Variants in ROBO1 observed in about 807,000 individuals in gnomAD.
The protein encoded by ROBO1 is roundabout homolog 1.
In ROBO1, 149 loss-of-function variants were observed where a neutral mutation model predicts 195.9. That is an observed-to-expected ratio of 0.76 (90% CI 0.67 to 0.87). The LOEUF is 0.87. Among genes scored for constraint, ROBO1 ranks in the 40% least tolerant of loss-of-function variants. The probability of loss-of-function intolerance (pLI) is 0.00; values close to 1 mark genes in which losing one functional copy is unlikely to be tolerated. For synonymous variants in ROBO1, 816 were observed against 733.2 expected, an observed-to-expected ratio of 1.11 and a Z score of -1.82; for missense variants, 1,933 against 2,068.3, an observed-to-expected ratio of 0.93 and a Z score of 1.27.
At chr3:78,884,862 C>CTGTGTG (rs747465583) in intron 4 of ROBO1, among the ~76,000 whole-genome samples, 2 of 87,492 alleles carry the variant, frequency 2.3e-5, no homozygotes, top group Non-Finnish European at 2.5e-5. Context: ...CTCTCTCTCT[C>CTGTGTG]TTTCTGTGTG....
At chr3:79,468,050 C>G (rs1190041019) in intron 2 of ROBO1, among the ~76,000 whole-genome samples, 2 of 152,198 alleles carry the variant, frequency 1.3e-5, no homozygotes, top group Non-Finnish European at 2.9e-5. Context: ...CAGGTGGGAG[C>G]AAAGTCTGGA....
intron 2 of ROBO1, among the ~76,000 whole-genome samples, chr3:79,540,732 T>C (rs1256529346): frequency 6.6e-6 from 1 of 152,168 alleles, no homozygotes; most frequent in Non-Finnish European, 1.5e-5. Context: ...CTTTAATCTG[T>C]TCCCACAACA....
intron 2 of ROBO1, among the ~76,000 whole-genome samples, chr3:79,450,727 A>G (rs2039416494): frequency 6.6e-6 from 1 of 151,946 alleles, no homozygotes; most frequent in Non-Finnish European, 1.5e-5. Flanking sequence ...AAATGCTTGA[A>G]AAACTACAAT....
chr3:79,517,329 A>T (rs914617344), intron 2 of ROBO1, among the ~76,000 whole-genome samples: 2 of 152,174 alleles, frequency 1.3e-5, no homozygotes, highest in Non-Finnish European at 2.9e-5. Context: ...TTTCTGGAAC[A>T]GTCGACACTG....
chr3:79,678,003 A>G (rs2106949339), intron 1 of ROBO1, among the ~76,000 whole-genome samples: 1 of 152,234 alleles, frequency 6.6e-6, no homozygotes, highest in Non-Finnish European at 1.5e-5. Flanking sequence ...TTATATATGA[A>G]ATATTTAAAA....
At chr3:79,377,930 G>A (rs2036439785) in intron 2 of ROBO1, among the ~76,000 whole-genome samples, 1 of 152,130 alleles carries the variant, frequency 6.6e-6, no homozygotes, top group Non-Finnish European at 1.5e-5. Context: ...AAGCAGATGA[G>A]CAGACTTTGC....
At chr3:79,135,742 A>AT (rs1436539975) in intron 2 of ROBO1, among the ~76,000 whole-genome samples, 2 of 151,772 alleles carry the variant, frequency 1.3e-5, no homozygotes, top group African/African-American at 4.8e-5. Flanking sequence ...GGTTCAAGCG[A>AT]TTCTCCCGCC....
intron 2 of ROBO1, among the ~76,000 whole-genome samples, chr3:79,312,035 T>C (rs752218136): frequency 6.6e-6 from 1 of 152,190 alleles, no homozygotes; most frequent in Non-Finnish European, 1.5e-5. Flanking sequence ...CCTTGGCTCT[T>C]CCCTAACACT....
At chr3:79,552,724 G>A (rs1364333802) in intron 2 of ROBO1, among the ~76,000 whole-genome samples, 1 of 152,006 alleles carries the variant, frequency 6.6e-6, no homozygotes, top group Non-Finnish European at 1.5e-5. Context: ...TTTATATAGG[G>A]AATAAGAAGC....
At chr3:79,524,168 A>AGT (rs10663604) in intron 2 of ROBO1, among the ~76,000 whole-genome samples, 44,115 of 150,582 alleles carry the variant, frequency 0.29, 7,267 homozygotes, top group African/African-American at 0.45. Context: ...ATTTGAAGTA[A>AGT]GTGTGTGTGT....
chr3:78,818,711 A>T (rs544773612), intron 4 of ROBO1, among the ~76,000 whole-genome samples: 1 of 152,256 alleles, frequency 6.6e-6, no homozygotes, highest in South Asian at 2.1e-4. Context: ...AATGAGCTGG[A>T]GCATTTGTTT....
intron 1 of ROBO1, among the ~76,000 whole-genome samples, chr3:79,755,323 A>G (rs2107495199): frequency 6.6e-6 from 1 of 152,296 alleles, no homozygotes; most frequent in Middle Eastern, 3.4e-3. Flanking sequence ...GTGCTTATTA[A>G]GCTGAATTTA....
intron 2 of ROBO1, among the ~76,000 whole-genome samples, chr3:79,523,773 C>T (rs1941315012): frequency 6.6e-6 from 1 of 151,918 alleles, no homozygotes; most frequent in Non-Finnish European, 1.5e-5. Flanking sequence ...TGCGCTCGGC[C>T]TAGACTTTGC....
chr3:79,065,100 T>C (rs1287861431), intron 3 of ROBO1, among the ~76,000 whole-genome samples: 2 of 151,978 alleles, frequency 1.3e-5, no homozygotes, highest in African/African-American at 2.4e-5. Flanking sequence ...GATGGGACAA[T>C]TGCTGAATCC....
Position 78,661,278 on chromosome 3 carries a change from T to C in ROBO1, c.2089-17A>G. 7.3e-7 allele frequency: 1 copy of C among 1,371,310 alleles called. No individual in the cohort carries two copies. Among genetic ancestry groups the C allele is most frequent in the South Asian group, 1.6e-5 (1 of 63,632 alleles). 84.9% of individuals were successfully genotyped at this position (1,371,310 alleles called of 1,614,324 possible). ...TTGATCTACCTATTAAAAAGACAAG[T>C]AAAATGTAATTATTCATATTATTGT... On this transcript the variant is annotated splice_polypyrimidine_tract_variant and intron_variant, in intron 15 of 30. Coordinates refer to ENST00000464233, the MANE Select transcript of ROBO1 (RefSeq NM_002941.4).
chr3:78,823,428 GA>G (rs1205754868), intron 4 of ROBO1, among the ~76,000 whole-genome samples: 1 of 152,090 alleles, frequency 6.6e-6, no homozygotes, highest in Non-Finnish European at 1.5e-5. Context: ...ATCTAAGAGG[GA>G]AATAAGGAAG....
intron 2 of ROBO1, among the ~76,000 whole-genome samples, chr3:79,580,163 A>G (rs1432573110): frequency 6.6e-6 from 1 of 152,072 alleles, no homozygotes; most frequent in East Asian, 1.9e-4. Context: ...TGATGGAAAA[A>G]TGTCATGTCA....
intron 2 of ROBO1, among the ~76,000 whole-genome samples, chr3:79,424,428 CAT>C (rs5850426): frequency 0.53 from 79,460 of 151,050 alleles, 20,903 homozygotes; most frequent in East Asian, 0.62. Flanking sequence ...AATATCATAT[CAT>C]ATATATATAT....
intron 2 of ROBO1, among the ~76,000 whole-genome samples, chr3:79,219,113 T>G (rs2108820575): frequency 6.6e-6 from 1 of 152,130 alleles, no homozygotes; most frequent in East Asian, 1.9e-4. Context: ...ACATAGTTAT[T>G]TTTTAATTTA....
Sources: allele counts gnomAD v4.1 joint callset (sites outside exome capture counted in the v4.1 genomes callset), GRCh38; gene constraint gnomAD v4.1.1; transcripts MANE v1.5; gene names NCBI Gene and HGNC (gene_info 2026-07-23, HGNC 2026-07-21).